Variants in SYTL3 observed in about 807,000 individuals in gnomAD.
SYTL3 encodes the protein synaptotagmin-like protein 3.
SYTL3 carries 88 observed loss-of-function variants against 82.1 expected under a neutral mutation model. The observed-to-expected ratio is 1.07, with a 90% CI of 0.90 to 1.28. The LOEUF is 1.28. Among genes scored for constraint, SYTL3 ranks in the 50% most tolerant of loss-of-function variants. The probability of loss-of-function intolerance (pLI) is 0.00; values close to 1 mark genes in which losing one functional copy is unlikely to be tolerated. For synonymous variants in SYTL3, 311 were observed against 289.4 expected (o/e 1.07, Z -0.76); for missense variants, 831 against 757.6 (o/e 1.10, Z -1.14).
intron 11 of SYTL3, among the ~76,000 whole-genome samples, chr6:158,727,671 G>A (rs933406358): frequency 2.1e-5 from 3 of 145,602 alleles, no homozygotes; most frequent in Non-Finnish European, 3.0e-5. Context: ...TCTCATGTGC[G>A]TGTCTCATCC....
chr6:158,651,247 C>A (rs1252658558), intron 1 of SYTL3, among the ~76,000 whole-genome samples: 1 of 152,092 alleles, frequency 6.6e-6, no homozygotes, highest in African/African-American at 2.4e-5. Flanking sequence ...TAGCTGTTGG[C>A]ACAACAGAAA....
chr6:158,704,442 C>T (rs1450441462), intron 6 of SYTL3, among the ~76,000 whole-genome samples: 1 of 152,250 alleles, frequency 6.6e-6, no homozygotes, highest in Non-Finnish European at 1.5e-5. Context: ...GGGGGATTTG[C>T]GACCCGGGCC....
At chr6:158,670,438 CTCTT>C (rs563651374) in intron 5 of SYTL3, among the ~76,000 whole-genome samples, 7 of 152,330 alleles carry the variant, frequency 4.6e-5, no homozygotes, top group Non-Finnish European at 8.8e-5. Context: ...TGTCTACTGA[CTCTT>C]TCCTGTTTCA....
intron 11 of SYTL3, among the ~76,000 whole-genome samples, chr6:158,729,633 C>T (rs1785160821): frequency 7.0e-6 from 1 of 143,700 alleles, no homozygotes; most frequent in South Asian, 2.2e-4. Context: ...GTGGTGCGAT[C>T]TCAGCTCACT....
intron 6 of SYTL3, 45 bp from the exon 7 acceptor site, chr6:158,707,185 G>T: frequency 2.5e-6 from 4 of 1,570,644 alleles, no homozygotes. Context: ...CATTAGCTAA[G>T]TGCTATTCTT....
At position 158,677,705 on chromosome 6, in the gene SYTL3, CAAAAAAAAA is replaced by C. The variant is rs56865775; in HGVS notation, c.330-5203_330-5195del. ...GGGTGACAAGAATGAAACTCTGTCT[CAAAAAAAAA>C]AAAAAAAAAAAAAAAAGACTATTTG... is the stretch of plus-strand genomic sequence containing the variant. On this transcript the variant is annotated intron_variant, in intron 5 of 17. Coordinates refer to ENST00000611299, the MANE Select transcript of SYTL3 (RefSeq NM_001242394.2). 1.3e-4 allele frequency among the ~76,000 whole-genome samples: 9 copies of C among 68,118 alleles called. No homozygotes were observed. The East Asian group carries it at 2.6e-3, about 20-fold the overall frequency. The allele number at this position is 68,118 out of a possible 152,430, so 44.7% of individuals were successfully genotyped here.
chr6:158,646,012 TG>T (rs1257326024), upstream of SYTL3, among the ~76,000 whole-genome samples: 1 of 152,254 alleles, frequency 6.6e-6, no homozygotes, highest in African/African-American at 2.4e-5. Flanking sequence ...TGCTTGTTGA[TG>T]GTGTGTCTCC....
chr6:158,740,066 G>A (rs951788853), intron 11 of SYTL3, among the ~76,000 whole-genome samples: 1 of 135,118 alleles, frequency 7.4e-6, no homozygotes, highest in Non-Finnish European at 1.5e-5. Context: ...GTGTGATCTC[G>A]GCTCACTGCA....
intron 5 of SYTL3, among the ~76,000 whole-genome samples, chr6:158,669,434 A>C (rs970768100): frequency 6.6e-6 from 1 of 152,212 alleles, no homozygotes; most frequent in African/African-American, 2.4e-5. Flanking sequence ...CGTTAGGAAC[A>C]TTTTGCTGCC....
At chr6:158,761,385 CT>C (rs1404424283) in intron 15 of SYTL3, among the ~76,000 whole-genome samples, 9 of 144,648 alleles carry the variant, frequency 6.2e-5, no homozygotes, top group African/African-American at 2.3e-4. Flanking sequence ...TCACTGCAAG[CT>C]TCGCCTCCCT....
At chr6:158,756,719 A>ATTTTTTTTTTT (rs758259824) in intron 13 of SYTL3, among the ~76,000 whole-genome samples, 2 of 48,566 alleles carry the variant, frequency 4.1e-5, no homozygotes, top group African/African-American at 9.4e-5. Context: ...TCAAAAAAAA[A>ATTTTTTTTTTT]TTTTTTTTTT....
chr6:158,750,550 G>A (rs1788263218), intron 12 of SYTL3, among the ~76,000 whole-genome samples: 1 of 152,176 alleles, frequency 6.6e-6, no homozygotes, highest in African/African-American at 2.4e-5. Context: ...ACAGAGTCTT[G>A]CTTTGCCGTC....
At position 158,720,443 on chromosome 6, in the gene SYTL3, A is replaced by G. The variant is rs1783974621; in HGVS notation, c.720+2232A>G. 2.1e-5 allele frequency among the ~76,000 whole-genome samples: 3 copies of G among 146,040 alleles called. No individual in the cohort carries two copies. In the East Asian group the frequency reaches 6.0e-4, roughly 29 times the overall value. On this transcript the variant is annotated intron_variant, in intron 10 of 17. Coordinates refer to ENST00000611299, the MANE Select transcript of SYTL3 (RefSeq NM_001242394.2). ...AAAAAAAAGCCTGAGTTTTAGTGAGAGGTTGACCAACGTGCCTAATGTCAC... is the reference window on the plus strand; with the variant it reads ...AAAAAAAAGCCTGAGTTTTAGTGAGGGGTTGACCAACGTGCCTAATGTCAC...
At chr6:158,764,117 C>T (rs1434902044) in intron 17 of SYTL3, among the ~76,000 whole-genome samples, 2 of 152,266 alleles carry the variant, frequency 1.3e-5, no homozygotes, top group Admixed American at 6.5e-5. Flanking sequence ...ATACTGTCTT[C>T]CTCTAAGAAT....
intron 12 of SYTL3, among the ~76,000 whole-genome samples, chr6:158,746,930 A>C (rs1787742021): frequency 6.6e-6 from 1 of 152,058 alleles, no homozygotes. Flanking sequence ...CTGAGATTAC[A>C]GGTGTGAGCC....
At chr6:158,663,412 G>A (rs1197095986) in intron 4 of SYTL3, 34 bp downstream of exon 4, 2 of 1,607,476 alleles carry the variant, frequency 1.2e-6, no homozygotes, top group Non-Finnish European at 1.7e-6. Flanking sequence ...CACTTTGGGT[G>A]TTTAGCTTTC....
At chr6:158,747,438 T>C (rs552475474) in intron 12 of SYTL3, among the ~76,000 whole-genome samples, 12 of 152,316 alleles carry the variant, frequency 7.9e-5, no homozygotes, top group South Asian at 6.2e-4. Flanking sequence ...TATAGCTCAC[T>C]GCAGCCTCAA....
At chr6:158,692,946 G>A (rs948714568) in intron 6 of SYTL3, among the ~76,000 whole-genome samples, 3 of 146,056 alleles carry the variant, frequency 2.1e-5, no homozygotes, top group East Asian at 1.9e-4. Flanking sequence ...GCGAGACTCC[G>A]TCTCAAAAAA....
intron 5 of SYTL3, 143 bp downstream of exon 5, chr6:158,665,756 C>G: frequency 1.7e-6 from 1 of 578,808 alleles, no homozygotes; most frequent in South Asian, 2.9e-5. Flanking sequence ...AGCTACCTTT[C>G]TAGCCTTGGA....
Sources: gnomAD v4.1 joint callset for allele counts (sites outside exome capture counted in the v4.1 genomes callset) on GRCh38, gnomAD v4.1.1 for gene constraint, MANE v1.5 for transcripts, NCBI Gene and HGNC (gene_info 2026-07-23, HGNC 2026-07-21) for gene names.